Variants in OPCML observed in about 807,000 individuals in gnomAD.
OPCML encodes opioid binding protein/cell adhesion molecule like.
Under a neutral mutation model 37.8 loss-of-function variants are expected in OPCML, and 13 were observed. The ratio of observed to expected loss-of-function variants is 0.34; its 90% confidence interval spans 0.22 to 0.55. The LOEUF (loss-of-function observed/expected upper bound fraction) is 0.55, where lower values mean the gene tolerates loss of function less well. Among genes scored for constraint, OPCML ranks in the 20% least tolerant of loss-of-function variants. The pLI, the probability that OPCML is intolerant of heterozygous loss-of-function variation, is 0.91. For synonymous variants in OPCML, 176 were observed against 168.8 expected (o/e 1.04, Z -0.33); for missense variants, 341 against 435.6 (o/e 0.78, Z 1.93).
chr11:132,599,932 C>T (rs1417515936), intron 3 of OPCML, among the ~76,000 whole-genome samples: 1 of 152,118 alleles, frequency 6.6e-6, no homozygotes, highest in Admixed American at 6.6e-5. Flanking sequence ...GTTTTTCAAA[C>T]TTATGTAACC....
At chr11:133,464,090 C>T (rs1946922718) in intron 1 of OPCML, among the ~76,000 whole-genome samples, 1 of 152,030 alleles carries the variant, frequency 6.6e-6, no homozygotes, top group Non-Finnish European at 1.5e-5. Context: ...GACTCCAACT[C>T]CAATCCATCC....
At chr11:133,249,796 A>G (rs1017239237) in intron 1 of OPCML, among the ~76,000 whole-genome samples, 6 of 152,228 alleles carry the variant, frequency 3.9e-5, no homozygotes, top group African/African-American at 1.4e-4. Context: ...ATGTCACAGC[A>G]CTTTGTGGCT....
chr11:133,515,338 G>A (rs1948242876), intron 1 of OPCML, among the ~76,000 whole-genome samples: 1 of 152,196 alleles, frequency 6.6e-6, no homozygotes, highest in African/African-American at 2.4e-5. Context: ...TCCCCAGGGG[G>A]CATTTGGCTG....
chr11:132,962,368 A>G (rs1037585943), intron 1 of OPCML, among the ~76,000 whole-genome samples: 1 of 152,220 alleles, frequency 6.6e-6, no homozygotes, highest in East Asian at 1.9e-4. Context: ...CTGCAGACCA[A>G]GAGTGTGCCT....
chr11:133,025,051 G>T, intron 1 of OPCML: 1 of 948,432 alleles, frequency 1.1e-6, no homozygotes, highest in Non-Finnish European at 1.3e-6. Context: ...AGGCTGATGT[G>T]CTGAGGTATC....
chr11:133,278,596 A>T (rs1175586209), intron 1 of OPCML, among the ~76,000 whole-genome samples: 5 of 152,038 alleles, frequency 3.3e-5, no homozygotes, highest in Non-Finnish European at 1.5e-5. Context: ...ATATAAGAGG[A>T]GGAGATTGAG....
chr11:132,680,954 G>A (rs1942916447), intron 2 of OPCML, among the ~76,000 whole-genome samples: 1 of 152,212 alleles, frequency 6.6e-6, no homozygotes, highest in Non-Finnish European at 1.5e-5. Context: ...GCGTGGTGTT[G>A]GTGATGGTAA....
chr11:132,998,821 T>A (rs1455917701), intron 1 of OPCML, among the ~76,000 whole-genome samples: 1 of 152,176 alleles, frequency 6.6e-6, no homozygotes, highest in African/African-American at 2.4e-5. Context: ...AACCAGGAAG[T>A]AGGCCCTTGC....
intron 2 of OPCML, among the ~76,000 whole-genome samples, chr11:132,924,127 ATGTG>A (rs10686395): frequency 5.3e-5 from 8 of 149,754 alleles, no homozygotes; most frequent in African/African-American, 7.4e-5. Flanking sequence ...AAAAAAAACT[ATGTG>A]TGTGTGTGTG....
At chr11:133,113,369 C>T (rs1237373142) in intron 1 of OPCML, among the ~76,000 whole-genome samples, 5 of 152,090 alleles carry the variant, frequency 3.3e-5, no homozygotes, top group Non-Finnish European at 7.3e-5. Flanking sequence ...TTACCTAGAG[C>T]ATGATTTTAG....
At chr11:133,210,062 G>A (rs531906763) in intron 1 of OPCML, among the ~76,000 whole-genome samples, 11 of 152,262 alleles carry the variant, frequency 7.2e-5, no homozygotes, top group East Asian at 1.9e-4. Flanking sequence ...ACGTGCTACC[G>A]CGACAATGCA....
intron 1 of OPCML, among the ~76,000 whole-genome samples, chr11:133,201,732 CTT>C (rs1565500193): frequency 6.6e-6 from 1 of 152,108 alleles, no homozygotes; most frequent in Non-Finnish European, 1.5e-5. Context: ...ACTTGGAGGA[CTT>C]TGTTCTCATG....
intron 1 of OPCML, among the ~76,000 whole-genome samples, chr11:133,087,910 G>T (rs1193436975): frequency 6.6e-6 from 1 of 152,134 alleles, no homozygotes; most frequent in Non-Finnish European, 1.5e-5. Context: ...GTTAGGAGAT[G>T]GTATAGCAGA....
chr11:133,368,807 T>A (rs1415596404), intron 1 of OPCML, among the ~76,000 whole-genome samples: 1 of 152,180 alleles, frequency 6.6e-6, no homozygotes. Context: ...GGAGCCATCT[T>A]TCTGGGATGA....
chr11:132,730,977 G>GT (rs1299772033), intron 2 of OPCML, among the ~76,000 whole-genome samples: 1 of 152,124 alleles, frequency 6.6e-6, no homozygotes, highest in Non-Finnish European at 1.5e-5. Flanking sequence ...AAAAAGGTAT[G>GT]TTTTTTCATC....
At chr11:133,127,087 G>A (rs193293185) in intron 1 of OPCML, among the ~76,000 whole-genome samples, 128 of 152,248 alleles carry the variant, frequency 8.4e-4, no homozygotes, top group African/African-American at 3.1e-3. Flanking sequence ...CCTAGGAAAG[G>A]TAACAAGAAG....
intron 1 of OPCML, among the ~76,000 whole-genome samples, chr11:133,368,502 C>T (rs1425504318): frequency 1.3e-5 from 2 of 152,084 alleles, no homozygotes; most frequent in Non-Finnish European, 2.9e-5. Flanking sequence ...TCCTTATCCT[C>T]CCAAGCCTAT....
At chr11:132,827,371 C>T (rs1940415378) in intron 2 of OPCML, among the ~76,000 whole-genome samples, 1 of 152,132 alleles carries the variant, frequency 6.6e-6, no homozygotes, top group Admixed American at 6.5e-5. Context: ...TCACTACACA[C>T]CTACTTGAAT....
chr11:132,528,215 T>C (rs1420801669), intron 4 of OPCML, among the ~76,000 whole-genome samples: 1 of 148,636 alleles, frequency 6.7e-6, no homozygotes, highest in African/African-American at 2.6e-5. Flanking sequence ...ATTACTAAGA[T>C]TTACTCTTAA....
Sources: allele counts gnomAD v4.1 joint callset (sites outside exome capture counted in the v4.1 genomes callset), GRCh38; gene constraint gnomAD v4.1.1; transcripts MANE v1.5; gene names NCBI Gene and HGNC (gene_info 2026-07-23, HGNC 2026-07-21).